C2CD3: variants seen among roughly 807,000 people sequenced by gnomAD.
C2CD3 encodes the protein C2 domain containing 3 centriole elongation regulator.
In C2CD3, 148 loss-of-function variants were observed where a neutral mutation model predicts 234.0. The ratio of observed to expected loss-of-function variants is 0.63; its 90% confidence interval spans 0.55 to 0.72. The LOEUF (loss-of-function observed/expected upper bound fraction) is 0.72. Ranked by LOEUF, C2CD3 falls within the 30% of genes least tolerant of loss-of-function variation. The pLI is 0.00. For missense variants in C2CD3, 2,577 were observed against 2,811.5 expected, an observed-to-expected ratio of 0.92 and a Z score of 1.89; for synonymous variants, 1,000 against 1,035.4, an observed-to-expected ratio of 0.97 and a Z score of 0.66.
chr11:74,066,732 C>T (rs1954560208), intron 24 of C2CD3, among the ~76,000 whole-genome samples: 1 of 151,842 alleles, frequency 6.6e-6, no homozygotes, highest in Non-Finnish European at 1.5e-5. Flanking sequence ...AGTCAATCTG[C>T]TTAAGAGACT....
In C2CD3 at chr11:74,074,592, GAT is replaced by G. The variant is rs1954949182; in HGVS notation, c.4610_4611del (p.Tyr1537SerfsTer29). 1 of 1,611,480 alleles carries G rather than the reference GAT, an allele frequency of 6.2e-7. No individual in the cohort carries two copies. The highest frequency in any genetic ancestry group is 1.3e-5 in the African/African-American group (1 of 74,848). The part of the protein sequence containing the change: ...SARTLTVSGV[Y>X]PLFGRNASNL... ...TTGGAAGCATTTCGTCCAAACAGAG[GAT>G]ACACACCTAAAAGAAGATGGAGAAG... On this transcript the variant is annotated frameshift_variant, in exon 24 of 33. Coordinates refer to ENST00000334126, the MANE Select transcript of C2CD3 (RefSeq NM_001286577.2). LOFTEE classifies it high-confidence loss of function.
intron 9 of C2CD3, among the ~76,000 whole-genome samples, chr11:74,116,779 T>C (rs1590848801): frequency 6.8e-6 from 1 of 147,918 alleles, no homozygotes. Flanking sequence ...CATATATGTG[T>C]GTATATATAT....
intron 7 of C2CD3, among the ~76,000 whole-genome samples, chr11:74,131,612 T>TA (rs1321972536): frequency 6.6e-6 from 1 of 151,978 alleles, no homozygotes; most frequent in Non-Finnish European, 1.5e-5. Context: ...GATGGAGTCT[T>TA]ACTCCTTCTA....
chr11:74,099,722 C>T (rs1215541768), intron 15 of C2CD3, among the ~76,000 whole-genome samples: 1 of 151,908 alleles, frequency 6.6e-6, no homozygotes, highest in Non-Finnish European at 1.5e-5. Flanking sequence ...CGGTGAAACC[C>T]CGTCTCTACT....
intron 22 of C2CD3, among the ~76,000 whole-genome samples, chr11:74,082,694 C>T (rs1160715272): frequency 1.3e-5 from 2 of 151,956 alleles, no homozygotes; most frequent in Admixed American, 6.6e-5. Context: ...CCCTGTCCCT[C>T]CCCCAAAGGG....
At position 74,078,108 on chromosome 11, in the gene C2CD3, CACTT is replaced by C; in HGVS notation, c.4603+3_4603+6del. ...ACTACAAGAGTTGAATCAGGCTCCT[CACTT>C]ACCACTGACAGTTAGCGTCCTCGCT... On this transcript the variant is annotated splice_donor_5th_base_variant and intron_variant, in intron 23 of 32. Transcript: ENST00000334126. 6.2e-7 allele frequency: 1 copy of C among 1,609,632 alleles called. No individual in the cohort carries two copies.
intron 3 of C2CD3, among the ~76,000 whole-genome samples, chr11:74,141,904 A>G (rs2135547104): frequency 6.6e-6 from 1 of 151,974 alleles, no homozygotes; most frequent in Non-Finnish European, 1.5e-5. Context: ...CGCTAGGCTG[A>G]GGCAGGAGGA....
chr11:74,082,270 C>T (rs1232367593), intron 22 of C2CD3, among the ~76,000 whole-genome samples: 2 of 151,966 alleles, frequency 1.3e-5, no homozygotes, highest in Admixed American at 6.6e-5. Flanking sequence ...CGCCTGCTAC[C>T]ACGCCCAGCT....
At chr11:74,124,421 G>T (rs949795704) in intron 7 of C2CD3, among the ~76,000 whole-genome samples, 1 of 152,218 alleles carries the variant, frequency 6.6e-6, no homozygotes, top group East Asian at 1.9e-4. Flanking sequence ...CTGCTGACAT[G>T]TTGGGTCAGA....
chr11:74,140,112 TAC>T, intron 3 of C2CD3, among the ~76,000 whole-genome samples: 2 of 151,574 alleles, frequency 1.3e-5, no homozygotes, highest in African/African-American at 2.4e-5. Flanking sequence ...CCCCATTCCC[TAC>T]AGGATTGTAA....
In C2CD3 at chr11:74,078,228, G is replaced by C. The variant is rs145579245; in HGVS notation, c.4490C>G (p.Ala1497Gly). Reference protein sequence around the residue: ...EERLEIQVWRAYGNDSVERPH... With the variant: ...EERLEIQVWRGYGNDSVERPH... ...TCTCTCCACACTGTCATTGCCATAA[G>C]CTCGCCACACTTGGATCTCTAGCCT... Residue 1497 changes from alanine to glycine, a missense_variant, in exon 23 of 33, where the codon GCT (alanine) becomes GGT (glycine). By Grantham distance (60) the Ala-to-Gly change is moderately conservative. Transcript: ENST00000334126. 6.2e-7 allele frequency: 1 copy of C among 1,614,088 alleles called. No homozygotes were observed.
chr11:74,054,397 A>G (rs1248800646), intron 26 of C2CD3, among the ~76,000 whole-genome samples: 1 of 150,824 alleles, frequency 6.6e-6, no homozygotes, highest in Non-Finnish European at 1.5e-5. Flanking sequence ...ATCTTGTTCA[A>G]AAAAAAAAAT....
intron 24 of C2CD3, among the ~76,000 whole-genome samples, chr11:74,062,730 C>A (rs1427943127): frequency 6.7e-6 from 1 of 150,302 alleles, no homozygotes; most frequent in Admixed American, 6.6e-5. Context: ...GAAGCAAGAG[C>A]AAACACATTC....
At chr11:74,058,295 CTAAGAG>C (rs1488649087) in intron 24 of C2CD3, among the ~76,000 whole-genome samples, 1 of 152,038 alleles carries the variant, frequency 6.6e-6, no homozygotes, top group Non-Finnish European at 1.5e-5. Context: ...AAGATAAATA[CTAAGAG>C]TAAGTAACAC....
intron 32 of C2CD3, among the ~76,000 whole-genome samples, chr11:74,015,385 A>C (rs1334427597): frequency 1.3e-5 from 2 of 152,246 alleles, no homozygotes; most frequent in Non-Finnish European, 2.9e-5. Context: ...AAACTCTCTC[A>C]GGCTCTATGT....
chr11:74,082,130 T>C (rs1176801071), intron 22 of C2CD3, among the ~76,000 whole-genome samples: 2 of 151,476 alleles, frequency 1.3e-5, no homozygotes, highest in East Asian at 1.9e-4. Flanking sequence ...GATATTTTTT[T>C]TTTTTTTTTT....
intron 23 of C2CD3, among the ~76,000 whole-genome samples, chr11:74,077,431 G>A (rs1331223354): frequency 2.6e-5 from 4 of 152,038 alleles, no homozygotes; most frequent in Non-Finnish European, 4.4e-5. Flanking sequence ...TTCTTAAGCA[G>A]GCAGTGGAAC....
At chr11:74,048,141 TA>T in intron 28 of C2CD3, 63 bp downstream of exon 28, 6 of 1,526,510 alleles carry the variant, frequency 3.9e-6, no homozygotes, top group Non-Finnish European at 5.4e-6. Flanking sequence ...AGAGAAATGA[TA>T]AGCCAGTTCA....
At chr11:74,053,029 T>C (rs1193100926) in intron 26 of C2CD3, among the ~76,000 whole-genome samples, 7 of 152,222 alleles carry the variant, frequency 4.6e-5, no homozygotes, top group African/African-American at 1.7e-4. Context: ...TGTGAGATGG[T>C]TAGAAGTCCT....
Sources: gnomAD v4.1 joint callset for allele counts (sites outside exome capture counted in the v4.1 genomes callset) on GRCh38, gnomAD v4.1.1 for gene constraint, MANE v1.5 for transcripts, NCBI Gene and HGNC (gene_info 2026-07-23, HGNC 2026-07-21) for gene names.